The following TPO variants were observed in gnomAD, a reference collection of about 807,000 sequenced individuals.
TPO encodes the protein thyroid microsomal antigen.
A neutral mutation model predicts 96.9 loss-of-function variants in TPO; 78 were observed. The observed-to-expected ratio is 0.81, with a 90% CI of 0.67 to 0.97. The LOEUF is 0.97. TPO is among the 50% of genes least tolerant of loss of function. The pLI is 0.00. For synonymous variants in TPO, 547 were observed against 538.0 expected (o/e 1.02, Z -0.23); for missense variants, 1,252 against 1,274.8 (o/e 0.98, Z 0.27).
intron 1 of TPO, among the ~76,000 whole-genome samples, chr2:1,393,260 C>T (rs1662031195): frequency 6.6e-6 from 1 of 152,166 alleles, no homozygotes; most frequent in Non-Finnish European, 1.5e-5. Context: ...CACCAGATCT[C>T]ACAAGAACTC....
intron 7 of TPO, among the ~76,000 whole-genome samples, chr2:1,456,898 A>G (rs1331733609): frequency 6.2e-5 from 1 of 16,182 alleles, no homozygotes; most frequent in Non-Finnish European, 1.6e-4. Flanking sequence ...AGATGTGTAC[A>G]TAGCATGTAT....
intron 1 of TPO, among the ~76,000 whole-genome samples, chr2:1,387,184 T>C (rs12105663): frequency 0.089 from 13,557 of 152,172 alleles, 1,227 homozygotes; most frequent in East Asian, 0.31. Context: ...CTGACAATTA[T>C]GTGTCTTGGA....
At chr2:1,451,732 A>G (rs1050061519) in intron 5 of TPO, among the ~76,000 whole-genome samples, 1 of 152,222 alleles carries the variant, frequency 6.6e-6, no homozygotes, top group Non-Finnish European at 1.5e-5. Context: ...TATCATGACA[A>G]TGTTAGACCC....
At chr2:1,526,030 C>A in intron 15 of TPO, among the ~76,000 whole-genome samples, 1 of 141,434 alleles carries the variant, frequency 7.1e-6, no homozygotes, top group Non-Finnish European at 1.5e-5. Flanking sequence ...CCAAATCCGC[C>A]CACTGTGTGC....
intron 1 of TPO, among the ~76,000 whole-genome samples, chr2:1,379,921 T>C (rs1661782039): frequency 6.6e-6 from 1 of 152,130 alleles, no homozygotes; most frequent in Non-Finnish European, 1.5e-5. Flanking sequence ...ATCCAAGTAC[T>C]GAGAGTCGAG....
At position 1,516,965 on chromosome 2, in the gene TPO, G is replaced by A. The variant is rs1020436680; in HGVS notation, c.2601G>A (p.Ser867=). The change falls in exon 15 of 17, where the codon TCG becomes TCA. Residue 867 remains serine (S), a synonymous_variant. Coordinates refer to ENST00000329066, the MANE Select transcript of TPO (RefSeq NM_001206744.2). ...LLIGGFAGLT[S]TVICRWTRTG... is the part of the protein sequence containing the mutation. Reference sequence around the variant, plus strand: ...TCGGAGGCTTCGCAGGTCTCACCTCGACGGTGATTTGCAGGTGGTAAGTCC... The same window carrying A: ...TCGGAGGCTTCGCAGGTCTCACCTCAACGGTGATTTGCAGGTGGTAAGTCC... The A allele has an allele frequency of 1.2e-5, 20 of 1,613,790 alleles. No homozygotes were observed. Among genetic ancestry groups the A allele is most frequent in the Admixed American group, 1.7e-5 (1 of 60,000 alleles).
In TPO at chr2:1,524,919, C is replaced by T. The variant is rs534014050; in HGVS notation, c.2618+7937C>T. Among the ~76,000 whole-genome samples the T allele has an allele frequency of 1.1e-4, 15 of 136,504 alleles. 1 individual carries two copies. Among genetic ancestry groups the T allele is most frequent in the Middle Eastern group, 3.8e-3 (1 of 264 alleles). The allele number at this position is 136,504 out of a possible 152,430, so 89.6% of individuals were successfully genotyped here. On this transcript the variant is annotated intron_variant, in intron 15 of 16. Coordinates refer to ENST00000329066, the MANE Select transcript of TPO (RefSeq NM_001206744.2). ...CTGTACAACCTCCTCAAATCTCCCC[C>T]GCTGTGTGCAACCTCCTCAAATCCC...
At chr2:1,524,498 T>TGTGTGCAACCTCCCCAAATCCC (rs1675967810) in intron 15 of TPO, among the ~76,000 whole-genome samples, 1 of 76,852 alleles carries the variant, frequency 1.3e-5, no homozygotes, top group Non-Finnish European at 2.4e-5. Context: ...CCTCAAATCC[T>TGTGTGCAACCTCCCCAAATCCC]CCCACTGTGT....
chr2:1,530,202 TCCCACTGTGTGCAACCTCCTCTAGTCC>T (rs1222174962), intron 15 of TPO, among the ~76,000 whole-genome samples: 362 of 9,700 alleles, frequency 0.037, 2 homozygotes, highest in Non-Finnish European at 0.045. Flanking sequence ...CCCAAATCCC[TCCCACTGTGTGCAACCTCCTCTAGTCC>T]CCCACTGTGT....
Position 1,540,617 on chromosome 2 carries a change from C to CACTGCCCATCTCGGAG in TPO, c.2645_2660dup (p.Gly888AlafsTer98). ...AGGACACGCACTGGCACTAAATCCA[C>CACTGCCCATCTCGGAG]ACTGCCCATCTCGGAGACAGGCGGA... On this transcript the variant is annotated frameshift_variant, in exon 16 of 17. Transcript: ENST00000329066. LOFTEE classifies it high-confidence loss of function. 1.9e-6 allele frequency: 3 copies of CACTGCCCATCTCGGAG among 1,613,674 alleles called. No individual in the cohort carries two copies. Among genetic ancestry groups the CACTGCCCATCTCGGAG allele is most frequent in the Non-Finnish European group, 1.7e-6 (2 of 1,180,044 alleles).
intron 14 of TPO, among the ~76,000 whole-genome samples, chr2:1,504,520 C>T (rs915091612): frequency 2.6e-5 from 4 of 152,244 alleles, no homozygotes; most frequent in South Asian, 2.1e-4. Flanking sequence ...CCTCCACCTC[C>T]GGATGTCCCC....
chr2:1,515,358 G>A lies in TPO; in HGVS notation c.2519-1525G>A, dbSNP rs181384839. ...TTTTAGCAAGAGGCTGGTGTGCTCA[G>A]GTTGCCCTGCAGACTCCCCTGCGTC... On this transcript the variant is annotated intron_variant, in intron 14 of 16. Coordinates refer to ENST00000329066, the MANE Select transcript of TPO (RefSeq NM_001206744.2). 9.2e-5 allele frequency among the ~76,000 whole-genome samples: 14 copies of A among 152,340 alleles called. No individual in the cohort carries two copies. In the East Asian group the frequency reaches 2.3e-3, roughly 25 times the overall value.
Position 1,496,593 on chromosome 2 carries a change from AGAC to A in TPO, c.2218_2220del (p.Asp740del), listed in dbSNP as rs1282773016. ...ACATGTCAACCTGTCCACATTTCAT[AGAC>A]GACAAGTGTGGCTTCCCAGAGAGCG... On this transcript the variant is annotated splice_acceptor_variant and coding_sequence_variant, in exon 13 of 17. Transcript: ENST00000329066. LOFTEE classifies it high-confidence loss of function. The A allele has an allele frequency of 4.3e-6, 7 of 1,613,902 alleles. No individual in the cohort carries two copies. The highest frequency in any genetic ancestry group is 5.1e-6 in the Non-Finnish European group (6 of 1,180,024).
chr2:1,393,968 T>G (rs902724366), intron 1 of TPO, among the ~76,000 whole-genome samples: 1 of 152,230 alleles, frequency 6.6e-6, no homozygotes, highest in East Asian at 1.9e-4. Context: ...AATTCGTTGA[T>G]GTTTATGTGT....
intron 9 of TPO, among the ~76,000 whole-genome samples, chr2:1,486,958 A>G (rs2124846483): frequency 6.6e-6 from 1 of 152,344 alleles, no homozygotes; most frequent in South Asian, 2.1e-4. Context: ...AGGACGATGC[A>G]TGTCGTGATT....
At chr2:1,495,782 G>A (rs1672263312) in intron 11 of TPO, among the ~76,000 whole-genome samples, 1 of 151,966 alleles carries the variant, frequency 6.6e-6, no homozygotes. Context: ...GCACCTGAGT[G>A]GTCCCGGGTG....
intron 8 of TPO, among the ~76,000 whole-genome samples, chr2:1,482,149 A>T (rs372007536): frequency 3.3e-5 from 5 of 152,346 alleles, no homozygotes; most frequent in South Asian, 2.1e-4. Flanking sequence ...GAAAGTTCAG[A>T]GGAGCCTGTG....
intron 7 of TPO, among the ~76,000 whole-genome samples, chr2:1,460,304 G>A (rs1316080578): frequency 1.3e-5 from 2 of 152,124 alleles, no homozygotes; most frequent in African/African-American, 4.8e-5. Context: ...GTTAGATCTT[G>A]CAGAAGTACC....
intron 15 of TPO, among the ~76,000 whole-genome samples, chr2:1,531,586 C>T (rs1405246118): frequency 1.0e-5 from 1 of 99,016 alleles, no homozygotes; most frequent in East Asian, 3.3e-4. Context: ...TCTGTGCAAC[C>T]GCCCCATATC....
Sources: gnomAD v4.1 joint callset for allele counts (sites outside exome capture counted in the v4.1 genomes callset) on GRCh38, gnomAD v4.1.1 for gene constraint, MANE v1.5 for transcripts, NCBI Gene and HGNC (gene_info 2026-07-23, HGNC 2026-07-21) for gene names.